DIAPH2: variants seen among roughly 807,000 people sequenced by gnomAD.
DIAPH2 encodes the protein protein diaphanous homolog 2.
In DIAPH2, 35 loss-of-function variants were observed where a neutral mutation model predicts 92.7. The observed-to-expected ratio is 0.38, with a 90% CI of 0.29 to 0.50. The LOEUF is 0.50. Ranked by LOEUF, DIAPH2 falls within the 20% of genes least tolerant of loss-of-function variation. The probability of loss-of-function intolerance (pLI) is 0.94; values close to 1 mark genes in which losing one functional copy is unlikely to be tolerated. For missense variants in DIAPH2, 701 were observed against 819.5 expected (o/e 0.86, Z 1.77); for synonymous variants, 301 against 280.4 (o/e 1.07, Z -0.73).
At chrX:97,418,411 C>G (rs2069971524) in intron 25 of DIAPH2, among the ~76,000 whole-genome samples, 1 of 112,008 alleles carries the variant, frequency 8.9e-6, no homozygotes, top group African/African-American at 3.2e-5. Context: ...CATTACTATT[C>G]TCATGTGTCA....
intron 22 of DIAPH2, among the ~76,000 whole-genome samples, chrX:97,144,717 A>G (rs1356553910): frequency 9.2e-6 from 1 of 108,957 alleles, no homozygotes; most frequent in Middle Eastern, 4.4e-3. Context: ...AGTAGATTGT[A>G]GAGCCCAGCC....
intron 17 of DIAPH2, among the ~76,000 whole-genome samples, chrX:97,035,832 G>T (rs2066406855): frequency 9.1e-6 from 1 of 110,072 alleles, no homozygotes; most frequent in South Asian, 3.9e-4. Context: ...TACATGGTGA[G>T]ACCCTGTCTC....
chrX:97,411,943 C>T (rs1326030139), intron 25 of DIAPH2, among the ~76,000 whole-genome samples: 1 of 111,342 alleles, frequency 9.0e-6, no homozygotes, highest in Non-Finnish European at 1.9e-5. Context: ...GACTCCCACA[C>T]AATAATAATG....
chrX:96,752,488 A>G, intron 3 of DIAPH2, among the ~76,000 whole-genome samples: 1 of 112,563 alleles, frequency 8.9e-6, no homozygotes, highest in South Asian at 3.6e-4. Context: ...TAGATTTATC[A>G]CATAATTTCA....
chrX:97,279,348 G>T (rs749884194), intron 23 of DIAPH2, among the ~76,000 whole-genome samples: 15 of 97,799 alleles, frequency 1.5e-4, no homozygotes, highest in African/African-American at 5.8e-4. Context: ...TGTCACCCAC[G>T]CTGGAGTGCA....
At position 96,854,598 on chromosome X, in the gene DIAPH2, CATATATATAT is replaced by C. The variant is rs57209486; in HGVS notation, c.448-26946_448-26937del. Among the ~76,000 whole-genome samples, 276 of 37,107 alleles carry C rather than the reference CATATATATAT, an allele frequency of 7.4e-3. 1 individual carries two copies. The highest frequency in any genetic ancestry group is 0.016 in the East Asian group (14 of 851). 32.2% of individuals were successfully genotyped at this position (37,107 alleles called of 115,157 possible). ...AAAAACCAAGACTCTCTCTCTCTCTCATATATATATATATATATATATATATATATATATA... is the reference window on the plus strand; with the variant it reads ...AAAAACCAAGACTCTCTCTCTCTCTCATATATATATATATATATATATATA... On this transcript the variant is annotated intron_variant, in intron 4 of 26. Coordinates refer to ENST00000324765, the MANE Select transcript of DIAPH2 (RefSeq NM_006729.5).
intron 22 of DIAPH2, among the ~76,000 whole-genome samples, chrX:97,234,548 C>T (rs961097041): frequency 9.0e-6 from 1 of 111,310 alleles, no homozygotes; most frequent in African/African-American, 3.3e-5. Flanking sequence ...TTAGGGCTTA[C>T]GGACCACACA....
intron 16 of DIAPH2, among the ~76,000 whole-genome samples, chrX:96,962,496 C>CACATATATAT (rs1447350119): frequency 2.2e-5 from 1 of 44,763 alleles, no homozygotes; most frequent in African/African-American, 8.9e-5. Context: ...CACACACACA[C>CACATATATAT]ATATATATAT....
chrX:96,709,072 A>G (rs1010481259), intron 1 of DIAPH2, among the ~76,000 whole-genome samples: 1 of 112,242 alleles, frequency 8.9e-6, no homozygotes, highest in Non-Finnish European at 1.9e-5. Flanking sequence ...AAATGAAAAA[A>G]ATTTCATATT....
Position 97,573,273 on chromosome X carries a change from A to G in DIAPH2, c.3242-25980A>G, listed in dbSNP as rs138804519. On this transcript the variant is annotated intron_variant, in intron 26 of 26. Transcript: ENST00000324765. ...TTAAAGGTTTAGTGGAACAGTTTCA[A>G]TGCTGTGGTCCAAAGGGACTTGCTA... is the stretch of plus-strand genomic sequence containing the variant. 1.1e-4 allele frequency among the ~76,000 whole-genome samples: 12 copies of G among 111,500 alleles called. No individual in the cohort carries two copies. In the East Asian group the frequency reaches 3.1e-3, roughly 29 times the overall value.
At chrX:96,868,546 C>A (rs1357133142) in intron 4 of DIAPH2, among the ~76,000 whole-genome samples, 1 of 111,512 alleles carries the variant, frequency 9.0e-6, no homozygotes, top group Admixed American at 9.5e-5. Flanking sequence ...CTTTGGTGAA[C>A]AGTTTTTACA....
intron 23 of DIAPH2, among the ~76,000 whole-genome samples, chrX:97,300,195 G>C (rs1470944940): frequency 1.8e-5 from 2 of 111,669 alleles, no homozygotes; most frequent in African/African-American, 3.2e-5. Flanking sequence ...GTTTGTTTTG[G>C]AGGTTTTCTG....
intron 25 of DIAPH2, among the ~76,000 whole-genome samples, chrX:97,429,264 C>T (rs2070101810): frequency 8.9e-6 from 1 of 112,024 alleles, no homozygotes; most frequent in African/African-American, 3.2e-5. Flanking sequence ...TGTAACTCCG[C>T]TTCATCAAAT....
At chrX:97,122,837 AAG>A (rs1366777596) in intron 21 of DIAPH2, among the ~76,000 whole-genome samples, 2 of 111,326 alleles carry the variant, frequency 1.8e-5, no homozygotes, top group Admixed American at 9.5e-5. Context: ...ATTTGTGGGA[AAG>A]AGTTTTCATT....
At chrX:97,485,477 C>T (rs917190673) in intron 26 of DIAPH2, among the ~76,000 whole-genome samples, 1 of 112,328 alleles carries the variant, frequency 8.9e-6, no homozygotes, top group African/African-American at 3.2e-5. Context: ...TTATTTCATA[C>T]CTATTCAAAT....
At chrX:96,762,307 T>C (rs1424660783) in intron 4 of DIAPH2, among the ~76,000 whole-genome samples, 1 of 111,432 alleles carries the variant, frequency 9.0e-6, no homozygotes, top group Non-Finnish European at 1.9e-5. Flanking sequence ...ACTTATCCAT[T>C]AGGAAAGCTC....
chrX:97,543,192 A>C (rs1294478979), intron 26 of DIAPH2, among the ~76,000 whole-genome samples: 1 of 112,113 alleles, frequency 8.9e-6, no homozygotes, highest in Non-Finnish European at 1.9e-5. Flanking sequence ...CAGCATTTCA[A>C]ATTTCATGGC....
intron 19 of DIAPH2, among the ~76,000 whole-genome samples, chrX:97,091,791 A>G (rs960044293): frequency 9.0e-6 from 1 of 111,398 alleles, no homozygotes; most frequent in Non-Finnish European, 1.9e-5. Context: ...TTTCTATTCT[A>G]CCTAGGAGTA....
chrX:96,811,186 T>C (rs1350621124), intron 4 of DIAPH2, among the ~76,000 whole-genome samples: 1 of 111,918 alleles, frequency 8.9e-6, no homozygotes, highest in Non-Finnish European at 1.9e-5. Flanking sequence ...TGTCCTCTTT[T>C]ATTTCATTGA....
Sources: gnomAD v4.1 joint callset for allele counts (sites outside exome capture counted in the v4.1 genomes callset) on GRCh38, gnomAD v4.1.1 for gene constraint, MANE v1.5 for transcripts, NCBI Gene and HGNC (gene_info 2026-07-23, HGNC 2026-07-21) for gene names.